CNTN3: variants seen among roughly 807,000 people sequenced by gnomAD.
CNTN3 encodes the protein contactin 3, also known as contactin-3.
In CNTN3, 60 loss-of-function variants were observed where a neutral mutation model predicts 119.1. The ratio of observed to expected loss-of-function variants is 0.50; its 90% confidence interval spans 0.41 to 0.62. The LOEUF (loss-of-function observed/expected upper bound fraction) is 0.62, where lower values mean the gene tolerates loss of function less well. CNTN3 is among the 20% of genes least tolerant of loss of function. CNTN3 has a pLI of 0.00. For missense variants in CNTN3, 1,101 were observed against 1,242.4 expected (o/e 0.89, Z 1.71); for synonymous variants, 450 against 438.7 (o/e 1.03, Z -0.32).
At chr3:74,299,626 G>A (rs1702412946) in intron 17 of CNTN3, among the ~76,000 whole-genome samples, 1 of 152,166 alleles carries the variant, frequency 6.6e-6, no homozygotes, top group African/African-American at 2.4e-5. Context: ...GCTGGGAATA[G>A]TGGATGGCTC....
rs141874938 is a variant in CNTN3 at position 74,537,040 on chromosome 3, G to A, written c.-80-15848C>T. ...GCTGGCCTAACAAAACTTGCCTGTA[G>A]ACAAGATGTGTCCTGAGACCAGGAG... On this transcript the variant is annotated intron_variant, in intron 1 of 22. Coordinates refer to ENST00000263665, the MANE Select transcript of CNTN3 (RefSeq NM_020872.3). Among the ~76,000 whole-genome samples, 1,077 of 151,932 alleles carry A rather than the reference G, an allele frequency of 7.1e-3. 6 individuals carry two copies. The highest frequency in any genetic ancestry group is 0.012 in the Non-Finnish European group (821 of 67,944).
At chr3:74,460,502 T>C (rs996287739) in intron 4 of CNTN3, among the ~76,000 whole-genome samples, 5 of 151,790 alleles carry the variant, frequency 3.3e-5, no homozygotes, top group Admixed American at 2.0e-4. Flanking sequence ...ATCCTGTACA[T>C]GTTTGGTTAA....
At chr3:74,403,329 T>G (rs575061066) in intron 5 of CNTN3, among the ~76,000 whole-genome samples, 1 of 152,302 alleles carries the variant, frequency 6.6e-6, no homozygotes, top group South Asian at 2.1e-4. Flanking sequence ...AGAGCTCATG[T>G]GATATTTACA....
intron 20 of CNTN3, among the ~76,000 whole-genome samples, chr3:74,270,926 A>AT (rs1415971966): frequency 6.6e-6 from 1 of 152,234 alleles, no homozygotes; most frequent in East Asian, 1.9e-4. Context: ...CACTAGATTT[A>AT]TATCACAACA....
At chr3:74,458,213 A>G (rs921647364) in intron 4 of CNTN3, among the ~76,000 whole-genome samples, 8 of 152,170 alleles carry the variant, frequency 5.3e-5, no homozygotes, top group African/African-American at 1.7e-4. Context: ...ATCTGGAATT[A>G]CCAATTGAAA....
chr3:74,321,724 C>T (rs536914795), intron 13 of CNTN3, among the ~76,000 whole-genome samples: 2 of 151,914 alleles, frequency 1.3e-5, no homozygotes, highest in East Asian at 1.9e-4. Context: ...CATTACAGAC[C>T]CTATGTATAT....
chr3:74,278,916 A>AG (rs1364463507), intron 20 of CNTN3, among the ~76,000 whole-genome samples: 1 of 152,154 alleles, frequency 6.6e-6, no homozygotes, highest in Non-Finnish European at 1.5e-5. Context: ...GGAAAAAAAA[A>AG]CAAACAAAAA....
chr3:74,603,638 CT>C (rs1193454093), intron 1 of CNTN3, among the ~76,000 whole-genome samples: 3 of 151,990 alleles, frequency 2.0e-5, no homozygotes, highest in South Asian at 4.2e-4. Flanking sequence ...TTTTTAAGTA[CT>C]TTTTTTATAC....
In CNTN3 at chr3:74,291,671, G is replaced by A. The variant is rs578211788; in HGVS notation, c.2517+3450C>T. On this transcript the variant is annotated intron_variant, in intron 19 of 22. Coordinates refer to ENST00000263665, the MANE Select transcript of CNTN3 (RefSeq NM_020872.3). ...TGGGATTACAGGTGTGAGCCACCGC[G>A]CCCAGCAGTGTTCATTTATTTTCTT... is the stretch of plus-strand genomic sequence containing the variant. Among the ~76,000 whole-genome samples, 31 of 152,180 alleles carry A rather than the reference G, an allele frequency of 2.0e-4. No homozygotes were observed. In the East Asian group the frequency reaches 3.1e-3, roughly 15 times the overall value.
At chr3:74,404,218 A>C (rs13317435) in intron 5 of CNTN3, among the ~76,000 whole-genome samples, 279 of 152,248 alleles carry the variant, frequency 1.8e-3, no homozygotes, top group African/African-American at 5.9e-3. Context: ...GGAGTTCTTT[A>C]TTCTGTGGAG....
chr3:74,283,422 G>C (rs1038414537), intron 20 of CNTN3, among the ~76,000 whole-genome samples: 2 of 152,120 alleles, frequency 1.3e-5, no homozygotes, highest in African/African-American at 4.8e-5. Flanking sequence ...TTCTACTTCG[G>C]ATTGGGCGTT....
intron 1 of CNTN3, among the ~76,000 whole-genome samples, chr3:74,594,290 T>C (rs936978469): frequency 7.2e-6 from 1 of 138,824 alleles, no homozygotes; most frequent in Admixed American, 7.3e-5. Flanking sequence ...TTTTTTTTTT[T>C]ACTTTTTTTT....
intron 20 of CNTN3, among the ~76,000 whole-genome samples, chr3:74,284,700 C>T (rs1395498017): frequency 6.6e-6 from 1 of 152,184 alleles, no homozygotes; most frequent in Admixed American, 6.6e-5. Context: ...AAATCACTGA[C>T]TTTCTTGTAG....
intron 5 of CNTN3, among the ~76,000 whole-genome samples, chr3:74,417,894 A>G (rs1701550305): frequency 6.6e-6 from 1 of 152,206 alleles, no homozygotes; most frequent in South Asian, 2.1e-4. Context: ...TTTGAGATTC[A>G]TTCAGTCTAC....
intron 11 of CNTN3, among the ~76,000 whole-genome samples, chr3:74,338,293 G>A (rs1703443529): frequency 6.6e-6 from 1 of 151,788 alleles, no homozygotes; most frequent in Admixed American, 6.6e-5. Context: ...AATGTTTATT[G>A]CAAAATTTTT....
At chr3:74,317,220 C>A (rs1410552253) in intron 13 of CNTN3, among the ~76,000 whole-genome samples, 1 of 149,690 alleles carries the variant, frequency 6.7e-6, no homozygotes, top group Non-Finnish European at 1.5e-5. Context: ...TTATTTTGAG[C>A]CTATGTGTGT....
At chr3:74,588,950 C>T (rs1338159434) in intron 1 of CNTN3, among the ~76,000 whole-genome samples, 11 of 151,868 alleles carry the variant, frequency 7.2e-5, no homozygotes, top group South Asian at 2.1e-4. Flanking sequence ...TATACAAAAA[C>T]TAATTCAAGA....
At position 74,301,380 on chromosome 3, in the gene CNTN3, A is replaced by C. The variant is rs1223227383; in HGVS notation, c.2095+18T>G. On this transcript the variant is annotated intron_variant, in intron 16 of 22. Transcript: ENST00000263665. ...ACAGAAATCTATTAATCCATTACTC[A>C]GAAAAAAAAACACTAACCTGCCTCT... 1 of 1,607,314 alleles carries C rather than the reference A, an allele frequency of 6.2e-7. No individual in the cohort carries two copies. The highest frequency in any genetic ancestry group is 8.5e-7 in the Non-Finnish European group (1 of 1,176,574).
intron 5 of CNTN3, among the ~76,000 whole-genome samples, chr3:74,397,384 A>G (rs1035219459): frequency 2.0e-5 from 3 of 152,122 alleles, no homozygotes; most frequent in Non-Finnish European, 4.4e-5. Flanking sequence ...GCCTGCAAAT[A>G]CATCTATTCT....
Sources: allele counts gnomAD v4.1 joint callset (sites outside exome capture counted in the v4.1 genomes callset), GRCh38; gene constraint gnomAD v4.1.1; transcripts MANE v1.5; gene names NCBI Gene and HGNC (gene_info 2026-07-23, HGNC 2026-07-21).